The following KLHL21 variants were observed in gnomAD, a reference collection of about 807,000 sequenced individuals.
The protein encoded by KLHL21 is kelch-like protein 21.
Under a neutral mutation model 44.1 loss-of-function variants are expected in KLHL21, and 42 were observed. That is an observed-to-expected ratio of 0.95 (90% CI 0.74 to 1.23). The LOEUF (loss-of-function observed/expected upper bound fraction) is 1.23, where lower values mean the gene tolerates loss of function less well. Ranked by LOEUF, KLHL21 falls within the 50% of genes most tolerant of loss-of-function variation. The pLI is 0.00. For synonymous variants in KLHL21, 524 were observed against 411.6 expected, an observed-to-expected ratio of 1.27 and a Z score of -3.31; for missense variants, 918 against 889.1, an observed-to-expected ratio of 1.03 and a Z score of -0.41.
At chr1:6,598,016 G>A (rs894531222) in intron 2 of KLHL21, among the ~76,000 whole-genome samples, 1 of 152,232 alleles carries the variant, frequency 6.6e-6, no homozygotes, top group Non-Finnish European at 1.5e-5. Flanking sequence ...TCTGCTCCGT[G>A]CTGCTCAGCC....
intron 3 of KLHL21, chr1:6,595,252 T>G (rs565161934): frequency 1.6e-6 from 1 of 624,986 alleles, no homozygotes; most frequent in East Asian, 2.8e-5. Context: ...TCACAGCAGA[T>G]ACTCAATAAA....
At chr1:6,595,897 G>A (rs1640920353) in intron 2 of KLHL21, among the ~76,000 whole-genome samples, 3 of 152,106 alleles carry the variant, frequency 2.0e-5, no homozygotes, top group Non-Finnish European at 4.4e-5. Context: ...GCTCCCTTGA[G>A]ATCTTAAAGA....
chr1:6,593,618 A>T lies in KLHL21; in HGVS notation c.1541T>A (p.Leu514Gln). The change falls in exon 4 of 4, where the codon CTG (leucine) becomes CAG (glutamine). Residue 514 changes from leucine to glutamine, a missense_variant. By Grantham distance (113) the Leu-to-Gln change is moderately radical. Coordinates refer to ENST00000377658, the MANE Select transcript of KLHL21 (RefSeq NM_014851.4). The part of the protein sequence containing the change: ...GGSLAVLGGK[L>Q]YVSGGYDNTF... ...ATTGTCGTATCCCCCAGAGACGTACAGCTTCCCCCCAAGGACGGCCAGGCT... is the reference window on the plus strand; with the variant it reads ...ATTGTCGTATCCCCCAGAGACGTACTGCTTCCCCCCAAGGACGGCCAGGCT... 2 of 1,602,530 alleles carry T rather than the reference A, an allele frequency of 1.2e-6. No homozygotes were observed. The highest frequency in any genetic ancestry group is 1.7e-6 in the Non-Finnish European group (2 of 1,172,172).
intron 2 of KLHL21, among the ~76,000 whole-genome samples, chr1:6,596,497 G>A (rs530034292): frequency 5.3e-5 from 8 of 152,292 alleles, no homozygotes; most frequent in South Asian, 2.1e-4. Flanking sequence ...AACCTGACAC[G>A]GCAGCACAAA....
At chr1:6,598,589 C>A (rs542308399) in intron 2 of KLHL21, among the ~76,000 whole-genome samples, 16 of 147,160 alleles carry the variant, frequency 1.1e-4, no homozygotes, top group African/African-American at 2.5e-4. Context: ...CAAAACAAAA[C>A]AAAAAAAAAC....
intron 3 of KLHL21, 87 bp downstream of exon 3, chr1:6,595,398 G>C: frequency 8.1e-7 from 1 of 1,228,828 alleles, no homozygotes; most frequent in South Asian, 1.2e-5. Flanking sequence ...TCATGGCTGT[G>C]GATCCCAAAC....
At chr1:6,595,103 G>T in intron 3 of KLHL21, 1 of 470,810 alleles carries the variant, frequency 2.1e-6, no homozygotes, top group South Asian at 3.5e-5. Context: ...ACTCTGCTCC[G>T]GCCACATGGG....
At position 6,599,362 on chromosome 1, in the gene KLHL21, G is replaced by A; in HGVS notation, c.1112C>T (p.Ala371Val). ...EWAEVAPMLK[A>V]REYHSSSVLD... ...CACAGAGGAGCTGTGGTACTCGCGG[G>A]CCTTCAGCATGGGCGCCACCTCCGC... Residue 371 changes from alanine to valine, a missense_variant, in exon 2 of 4, where the codon GCC becomes GTC. By Grantham distance (64) the Ala-to-Val change is moderately conservative. Coordinates refer to ENST00000377658, the MANE Select transcript of KLHL21 (RefSeq NM_014851.4). 1 of 1,613,804 alleles carries A rather than the reference G, an allele frequency of 6.2e-7. No homozygotes were observed.
Position 6,602,173 on chromosome 1 carries a change from C to G in KLHL21, c.645G>C (p.Ala215=), listed in dbSNP as rs773439621. ...WVRADPPRRA[A]HWPQLLEAVR... ...CGGCCTCCAGCAGCTGCGGCCAGTG[C>G]GCGGCGCGGCGCGGCGGGTCAGCGC... is the stretch of plus-strand genomic sequence containing the variant. The change falls in exon 1 of 4, where the codon GCG becomes GCC. Residue 215 remains alanine (A), a synonymous_variant. Transcript: ENST00000377658. 7.0e-7 allele frequency: 1 copy of G among 1,428,310 alleles called. No individual in the cohort carries two copies. The highest frequency in any genetic ancestry group is 1.5e-5 in the African/African-American group (1 of 66,440). The allele number at this position is 1,428,310 out of a possible 1,614,324, so 88.5% of individuals were successfully genotyped here.
rs1225486562 is a variant in KLHL21 at position 6,592,135 on chromosome 1, C to G, written c.*1230G>C. On this transcript the variant is annotated 3_prime_UTR_variant, in exon 4 of 4. Coordinates refer to ENST00000377658, the MANE Select transcript of KLHL21 (RefSeq NM_014851.4). ...AACCAGCCACGCCATCTGGCCAGCA[C>G]AAGGGACTTAAGTGCAATCTGCTAA... The G allele has an allele frequency of 6.6e-6, 1 of 152,294 alleles. No homozygotes were observed. The highest frequency in any genetic ancestry group is 2.4e-5 in the African/African-American group (1 of 41,468). The allele number at this position is 152,294 out of a possible 1,614,324, so 9.4% of individuals were successfully genotyped here. A position where few individuals can be genotyped will look rare whatever the true frequency, so the allele number is the denominator to read the frequency against.
At chr1:6,598,726 CA>C (rs1226752434) in intron 2 of KLHL21, among the ~76,000 whole-genome samples, 5 of 148,478 alleles carry the variant, frequency 3.4e-5, no homozygotes, top group African/African-American at 7.5e-5. Flanking sequence ...ACAAAAAATA[CA>C]AAAAAATTAG....
In KLHL21 at chr1:6,602,787, G is replaced by C. The variant is rs1312066722; in HGVS notation, c.31C>G (p.Pro11Ala). ...AGGGCGTGCGCGGGGTCCGAGAAGG[G>C]AAGCACGGCCAGGGGCGCCGGTCGC... MERPAPLAVLPFSDPAHALSL... is the reference protein window; with the variant it reads MERPAPLAVLAFSDPAHALSL... The change falls in exon 1 of 4, where the codon CCC (proline) becomes GCC (alanine). Residue 11 changes from proline (P) to alanine (A), a missense_variant. Transcript: ENST00000377658. 2 of 1,475,006 alleles carry C rather than the reference G, an allele frequency of 1.4e-6. No individual in the cohort carries two copies. The highest frequency in any genetic ancestry group is 1.5e-5 in the African/African-American group (1 of 67,482). 91.4% of individuals were successfully genotyped at this position (1,475,006 alleles called of 1,614,324 possible).
intron 2 of KLHL21, 109 bp downstream of exon 2, chr1:6,598,938 G>A (rs1386570935): frequency 5.3e-6 from 6 of 1,129,374 alleles, no homozygotes; most frequent in South Asian, 1.7e-5. Flanking sequence ...CCCCAGCTAG[G>A]CCTCAGTTTC....
intron 3 of KLHL21, 198 bp downstream of exon 3, chr1:6,595,287 G>A: frequency 1.5e-6 from 1 of 667,690 alleles, no homozygotes; most frequent in Non-Finnish European, 2.8e-6. Flanking sequence ...GTACTAAGCT[G>A]TGTAATCATA....
In KLHL21 at chr1:6,602,584, G is replaced by A; in HGVS notation, c.234C>T (p.Arg78=). The A allele has an allele frequency of 6.5e-7, 1 of 1,530,808 alleles. No homozygotes were observed. Among genetic ancestry groups the A allele is most frequent in the Non-Finnish European group, 8.7e-7 (1 of 1,143,872 alleles). The allele number at this position is 1,530,808 out of a possible 1,614,324, so 94.8% of individuals were successfully genotyped here. A position where few individuals can be genotyped will look rare whatever the true frequency, so the allele number is the denominator to read the frequency against. ...QLRESRAERV[R]LHGVPPDMLQ... ...GCATGTCGGGAGGCACTCCGTGCAG[G>A]CGCACCCGCTCGGCGCGGCTCTCGC... The change falls in exon 1 of 4, where the codon CGC becomes CGT. Residue 78 remains arginine (R), a synonymous_variant. Coordinates refer to ENST00000377658, the MANE Select transcript of KLHL21 (RefSeq NM_014851.4).
At position 6,591,255 on chromosome 1, in the gene KLHL21, G is replaced by C. The variant is rs1400547980; in HGVS notation, c.*2110C>G. The C allele has an allele frequency of 2.5e-5, 9 of 361,948 alleles. No homozygotes were observed. Among genetic ancestry groups the C allele is most frequent in the Non-Finnish European group, 4.4e-5 (9 of 203,080 alleles). 22.4% of individuals were successfully genotyped at this position (361,948 alleles called of 1,614,324 possible). ...ACAGGGTCCTGATGGTGGAGACCTG[G>C]GTAGGTCCGGAGGACAGACACAGGA... On this transcript the variant is annotated 3_prime_UTR_variant, in exon 4 of 4. Coordinates refer to ENST00000377658, the MANE Select transcript of KLHL21 (RefSeq NM_014851.4).
Position 6,602,127 on chromosome 1 carries a change from G to A in KLHL21, c.691C>T (p.Arg231Cys), listed in dbSNP as rs1641032891. ...TCGACGTGCGCCAACAGGTAGAAGC[G>A]GCGCACGAAGGGCAGGCGCACGGCC... is the stretch of plus-strand genomic sequence containing the variant. ...LEAVRLPFVR[R>C]FYLLAHVEAE... Residue 231 changes from arginine (R) to cysteine (C), a missense_variant, in exon 1 of 4, where the codon CGC (arginine) becomes TGC (cysteine). Coordinates refer to ENST00000377658, the MANE Select transcript of KLHL21 (RefSeq NM_014851.4). 2 of 1,431,634 alleles carry A rather than the reference G, an allele frequency of 1.4e-6. No individual in the cohort carries two copies. The highest frequency in any genetic ancestry group is 1.8e-6 in the Non-Finnish European group (2 of 1,101,070). The allele number at this position is 1,431,634 out of a possible 1,614,324, so 88.7% of individuals were successfully genotyped here.
rs542070298 is a variant in KLHL21 at position 6,591,188 on chromosome 1, T to C, written c.*2177A>G. The C allele has an allele frequency of 2.5e-6, 1 of 394,028 alleles. No homozygotes were observed. The highest frequency in any genetic ancestry group is 4.4e-5 in the Admixed American group (1 of 22,578). The allele number at this position is 394,028 out of a possible 1,614,324, so 24.4% of individuals were successfully genotyped here. On this transcript the variant is annotated 3_prime_UTR_variant, in exon 4 of 4. Transcript: ENST00000377658. ...TAGAGGGACCCATTGCTGCAGAGGC[T>C]GGTGCCTGGTTTTCCCCATACTTGG...
rs796109441 is a variant in KLHL21 at position 6,599,570 on chromosome 1, C to T, written c.1022-118G>A. ...GAGGAATTAACATCACTGGGCTTCACCCCAGACGCACACCCTCTCCCCAAA... is the reference window on the plus strand; with the variant it reads ...GAGGAATTAACATCACTGGGCTTCATCCCAGACGCACACCCTCTCCCCAAA... On this transcript the variant is annotated intron_variant, in intron 1 of 3. Coordinates refer to ENST00000377658, the MANE Select transcript of KLHL21 (RefSeq NM_014851.4). 2.8e-5 allele frequency: 30 copies of T among 1,080,306 alleles called. No homozygotes were observed. In the African/African-American group the frequency reaches 3.8e-4, roughly 14 times the overall value. 66.9% of individuals were successfully genotyped at this position (1,080,306 alleles called of 1,614,324 possible).
Sources: allele counts gnomAD v4.1 joint callset (sites outside exome capture counted in the v4.1 genomes callset), GRCh38; gene constraint gnomAD v4.1.1; transcripts MANE v1.5; gene names NCBI Gene and HGNC (gene_info 2026-07-23, HGNC 2026-07-21).